The following TCERG1 variants were observed in gnomAD, a reference collection of about 807,000 sequenced individuals.
TCERG1 encodes the protein TATA box binding protein (TBP)-associated factor, RNA polymerase II, S, 150kD.
In TCERG1, 37 loss-of-function variants were observed where a neutral mutation model predicts 144.7. The ratio of observed to expected loss-of-function variants is 0.26; its 90% CI spans 0.20 to 0.34. The LOEUF is 0.34. TCERG1 is among the 10% of genes least tolerant of loss of function. The pLI is 1.00. For missense variants in TCERG1, 1,027 were observed against 1,380.7 expected (o/e 0.74, Z 4.06); for synonymous variants, 492 against 458.2 (o/e 1.07, Z -0.94).
In TCERG1 at chr5:146,503,854, G is replaced by C; in HGVS notation, c.2629G>C (p.Glu877Gln). The change falls in exon 19 of 23, where the codon GAA (glutamate) becomes CAA (glutamine). Residue 877 changes from glutamate (E) to glutamine (Q), a missense_variant. Around this residue, in one of 6 missense-constraint regions of TCERG1, gnomAD observed 482 missense variants for 632.6 expected, o/e 0.76. Transcript: ENST00000679501. ...AGACTCAGAAAAAGAAAAGGAGCTT[G>C]AAAGGCAAGCCCGCATTGAGGCAAG... ...NLDSEKEKELERQARIEASLR... is the reference protein window; with the variant it reads ...NLDSEKEKELQRQARIEASLR... 6.3e-7 allele frequency: 1 copy of C among 1,599,518 alleles called. No homozygotes were observed. The highest frequency in any genetic ancestry group is 8.5e-7 in the Non-Finnish European group (1 of 1,175,956).
At chr5:146,505,112 A>G (rs1767842328) in intron 19 of TCERG1, among the ~76,000 whole-genome samples, 2 of 151,956 alleles carry the variant, frequency 1.3e-5, no homozygotes, top group Non-Finnish European at 2.9e-5. Flanking sequence ...AAAAGGACAA[A>G]AACATCTCAT....
Position 146,510,570 on chromosome 5 carries a change from T to C in TCERG1, c.3276T>C (p.Val1092=). ...EERRKLIVAY[V]DDLDRRGPPP... ...GGCGTAAACTGATTGTGGCATATGT[T>C]GATGACCTGGATCGCCGGGGTCCAC... The change falls in exon 23 of 23, where the codon GTT becomes GTC. Residue 1092 remains valine, a synonymous_variant. Transcript: ENST00000679501. 6.2e-7 allele frequency: 1 copy of C among 1,614,176 alleles called. No homozygotes were observed. Among genetic ancestry groups the C allele is most frequent in the Non-Finnish European group, 8.5e-7 (1 of 1,180,028 alleles).
intron 1 of TCERG1, 63 bp downstream of exon 1, chr5:146,447,471 C>A: frequency 6.4e-7 from 1 of 1,567,642 alleles, no homozygotes; most frequent in Non-Finnish European, 8.7e-7. Flanking sequence ...AGACGCTAGA[C>A]CTGCCATGTG....
At chr5:146,468,251 A>G in intron 5 of TCERG1, 90 bp from the exon 6 acceptor site, 2 of 1,021,342 alleles carry the variant, frequency 2.0e-6, no homozygotes, top group South Asian at 2.0e-5. Context: ...AGCATTCTAA[A>G]TTGTAGTGGT....
intron 19 of TCERG1, among the ~76,000 whole-genome samples, chr5:146,505,309 G>A (rs184484061): frequency 6.1e-4 from 93 of 152,214 alleles, no homozygotes; most frequent in Non-Finnish European, 1.2e-3. Flanking sequence ...AGTCACAGAA[G>A]TCTTCATAAA....
At position 146,510,454 on chromosome 5, in the gene TCERG1, A is replaced by T. The variant is rs771065830; in HGVS notation, c.3160A>T (p.Ile1054Phe). ...KFITYRSKKL[I>F]QESDQHLKDV... is the part of the protein sequence containing the mutation. ...TTCTTATTTCAGATCCAAAAAATTA[A>T]TCCAAGAATCAGATCAGCACCTGAA... Residue 1054 changes from isoleucine (I) to phenylalanine (F), a missense_variant, in exon 23 of 23, where the codon ATC becomes TTC. Physicochemically the swap from Ile to Phe is conservative, Grantham distance 21 (BLOSUM62 0). Transcript: ENST00000679501. 1.2e-6 allele frequency: 2 copies of T among 1,613,046 alleles called. No individual in the cohort carries two copies. Among genetic ancestry groups the T allele is most frequent in the Non-Finnish European group, 8.5e-7 (1 of 1,179,202 alleles).
chr5:146,476,578 T>C (rs1019086951), intron 9 of TCERG1, among the ~76,000 whole-genome samples: 1 of 152,218 alleles, frequency 6.6e-6, no homozygotes, highest in African/African-American at 2.4e-5. Flanking sequence ...GGAAAATATT[T>C]ACTTGGTTTC....
At chr5:146,484,723 A>G (rs578254572) in intron 15 of TCERG1, among the ~76,000 whole-genome samples, 1 of 152,242 alleles carries the variant, frequency 6.6e-6, no homozygotes, top group Non-Finnish European at 1.5e-5. Context: ...AAAATTTATA[A>G]ATTAGCCTTG....
intron 1 of TCERG1, among the ~76,000 whole-genome samples, chr5:146,450,367 G>A (rs562513270): frequency 1.1e-3 from 169 of 152,272 alleles, no homozygotes; most frequent in Middle Eastern, 6.8e-3. Context: ...AGGCTTCAAA[G>A]TAATAAACTT....
intron 8 of TCERG1, among the ~76,000 whole-genome samples, chr5:146,470,977 T>G (rs1210254253): frequency 1.3e-5 from 2 of 152,238 alleles, no homozygotes; most frequent in African/African-American, 4.8e-5. Flanking sequence ...GACCAGAGCT[T>G]GGACCTGATC....
At chr5:146,454,560 T>A (rs963605954) in intron 1 of TCERG1, among the ~76,000 whole-genome samples, 4 of 151,844 alleles carry the variant, frequency 2.6e-5, no homozygotes, top group African/African-American at 7.2e-5. Flanking sequence ...AGATCATCCA[T>A]TGATGTAAGT....
chr5:146,450,013 G>A lies in TCERG1; in HGVS notation c.59+2605G>A, dbSNP rs148202690. ...AACTTACCTTATTGGGCTGTAGTGA[G>A]GATTAAGAGTTAATACGGATAATGT... On this transcript the variant is annotated intron_variant, in intron 1 of 22. Transcript: ENST00000679501. Among the ~76,000 whole-genome samples, 7 of 152,292 alleles carry A rather than the reference G, an allele frequency of 4.6e-5. No individual in the cohort carries two copies. The East Asian group carries it at 1.3e-3, about 29-fold the overall frequency.
chr5:146,492,941 A>T lies in TCERG1; in HGVS notation c.2185A>T (p.Thr729Ser). 1 of 1,608,636 alleles carries T rather than the reference A, an allele frequency of 6.2e-7. No individual in the cohort carries two copies. The highest frequency in any genetic ancestry group is 8.5e-7 in the Non-Finnish European group (1 of 1,177,750). ...ATAGGTGTTTGATCAGTATGTAAAG[A>T]CCAGGGCAGAGGAAGAACGCAGGGA... ...RKQVFDQYVK[T>S]RAEEERREKK... The change falls in exon 16 of 23, where the codon ACC (threonine) becomes TCC (serine). Residue 729 changes from threonine (T) to serine (S), a missense_variant. Physicochemically the swap from Thr to Ser is moderately conservative, Grantham distance 58 (BLOSUM62 1). Coordinates refer to ENST00000679501, the MANE Select transcript of TCERG1 (RefSeq NM_001382548.1).
chr5:146,498,458 A>C, intron 16 of TCERG1, 78 bp from the exon 17 acceptor site: 1 of 1,457,026 alleles, frequency 6.9e-7, no homozygotes, highest in Non-Finnish European at 9.2e-7. Flanking sequence ...CTCTTGTTGG[A>C]AAAATGGTAT....
At chr5:146,509,101 G>A (rs1418597960) in intron 21 of TCERG1, 44 bp from the exon 22 acceptor site, 1 of 1,124,088 alleles carries the variant, frequency 8.9e-7, no homozygotes, top group Non-Finnish European at 1.3e-6. Context: ...TGGAATTAGT[G>A]GGTTTTATTT....
chr5:146,495,720 A>G (rs942458295), intron 16 of TCERG1, among the ~76,000 whole-genome samples: 1 of 151,890 alleles, frequency 6.6e-6, no homozygotes, highest in South Asian at 2.1e-4. Flanking sequence ...TTTGTTTATA[A>G]TTAAAACTAT....
chr5:146,447,554 G>A (rs1761968204), intron 1 of TCERG1, 146 bp downstream of exon 1: 2 of 1,067,158 alleles, frequency 1.9e-6, no homozygotes, highest in Non-Finnish European at 2.7e-6. Context: ...TAAGAAGGGG[G>A]AAGGGGAAGG....
intron 17 of TCERG1, among the ~76,000 whole-genome samples, chr5:146,500,164 A>C (rs979212903): frequency 2.0e-5 from 3 of 151,882 alleles, no homozygotes; most frequent in Admixed American, 1.3e-4. Flanking sequence ...GCTTTATACC[A>C]TTACTAGATT....
chr5:146,487,881 C>T (rs6580422), intron 15 of TCERG1, among the ~76,000 whole-genome samples: 127,139 of 152,106 alleles, frequency 0.84, 53,258 homozygotes, highest in East Asian at 1. Flanking sequence ...TAAAACAGTA[C>T]GGTACTGGCA....
Sources: gnomAD v4.1 joint callset for allele counts (sites outside exome capture counted in the v4.1 genomes callset) on GRCh38, gnomAD v4.1.1 for gene constraint, gnomAD v4.1.1 regional missense constraint, MANE v1.5 for transcripts, NCBI Gene and HGNC (gene_info 2026-07-23, HGNC 2026-07-21) for gene names.